Variants in HOTAIR observed in about 807,000 individuals in gnomAD.
HOTAIR encodes HOX transcript antisense RNA.
Position 53,973,109 on chromosome 12 carries a change from T to A in HOTAIR, n.59+1789A>T. 1 of 670,178 alleles carries A rather than the reference T, an allele frequency of 1.5e-6. No individual in the cohort carries two copies. The highest frequency in any genetic ancestry group is 2.5e-6 in the Non-Finnish European group (1 of 404,952). 41.5% of individuals were successfully genotyped at this position (670,178 alleles called of 1,614,324 possible). On this transcript the variant is annotated intron_variant and non_coding_transcript_variant, in intron 1 of 6. Transcript: ENST00000424518. This position sits in a 1 kb window ranked among gnomAD's most constrained non-coding sequence, Gnocchi z 4.3. ...AGTGCTCCGAACTGATATATGACAA[T>A]ATCTACTTTGGATCACGTGCTCAGA...
rs1939148052 is a variant in HOTAIR at position 53,971,515 on chromosome 12, T to C, written n.60-2759A>G. On this transcript the variant is annotated intron_variant and non_coding_transcript_variant, in intron 1 of 6. Transcript: ENST00000424518. ...CTGGTTTGGGAGCCGCAGCACCTTA[T>C]CATGTTTCATCAAGACAAATCCATT... 3.3e-5 allele frequency among the ~76,000 whole-genome samples: 5 copies of C among 152,344 alleles called. No individual in the cohort carries two copies. In the South Asian group the frequency reaches 8.3e-4, roughly 25 times the overall value.
intron 1 of HOTAIR, among the ~76,000 whole-genome samples, chr12:53,971,514 A>G (rs933609207): frequency 1.3e-5 from 2 of 152,214 alleles, no homozygotes; most frequent in African/African-American, 4.8e-5. Context: ...GCAGCACCTT[A>G]TCATGTTTCA....
In HOTAIR at chr12:53,973,722, G is replaced by A. The variant is rs1382944192; in HGVS notation, n.59+1176C>T. On this transcript the variant is annotated intron_variant and non_coding_transcript_variant, in intron 1 of 6. Coordinates refer to ENST00000424518, the Ensembl canonical transcript of HOTAIR. This position sits in a 1 kb window ranked among gnomAD's most constrained non-coding sequence, Gnocchi z 4.3. ...CCGTTTCTTCGACAACGCCTACTGC[G>A]GTGGCGGCGACCCGCCCGCCGAGCC... is the stretch of plus-strand genomic sequence containing the variant. 5 of 1,612,606 alleles carry A rather than the reference G, an allele frequency of 3.1e-6. No individual in the cohort carries two copies. The highest frequency in any genetic ancestry group is 3.4e-6 in the Non-Finnish European group (4 of 1,179,654).
chr12:53,965,336 T>TCCAAGGC (rs1939032292), intron 5 of HOTAIR, among the ~76,000 whole-genome samples: 2 of 152,154 alleles, frequency 1.3e-5, no homozygotes, highest in Non-Finnish European at 2.9e-5. Flanking sequence ...GCCACTAGGG[T>TCCAAGGC]CACAGAGACT....
At chr12:53,974,498 C>G (rs1592196555) in intron 1 of HOTAIR, among the ~76,000 whole-genome samples, 1 of 152,008 alleles carries the variant, frequency 6.6e-6, no homozygotes, top group Non-Finnish European at 1.5e-5. Context: ...CGCGGGTCCT[C>G]GAGCAGAAAC....
chr12:53,964,177 A>G (rs1240255025), intron 6 of HOTAIR: 2 of 151,522 alleles, frequency 1.3e-5, no homozygotes, highest in Non-Finnish European at 2.9e-5. Context: ...CAGAGTGAAC[A>G]CCCCCAGATA....
intron 1 of HOTAIR, among the ~76,000 whole-genome samples, chr12:53,969,892 C>G (rs1939119609): frequency 1.3e-5 from 2 of 152,242 alleles, no homozygotes; most frequent in Admixed American, 1.3e-4. Context: ...CTCTAGAACC[C>G]AGAGCAGTGG....
At chr12:53,969,640 A>G (rs548759255) in intron 1 of HOTAIR, among the ~76,000 whole-genome samples, 1 of 152,340 alleles carries the variant, frequency 6.6e-6, no homozygotes, top group South Asian at 2.1e-4. Flanking sequence ...TGTAAGGGAG[A>G]GAAATATAGG....
At chr12:53,967,688 T>C (rs1290295109) in intron 2 of HOTAIR, among the ~76,000 whole-genome samples, 3 of 152,212 alleles carry the variant, frequency 2.0e-5, no homozygotes, top group Non-Finnish European at 4.4e-5. Flanking sequence ...CCCTTTCTTA[T>C]GTCCCCTCAG....
chr12:53,969,337 A>C (rs1436253792), intron 1 of HOTAIR, among the ~76,000 whole-genome samples: 1 of 152,222 alleles, frequency 6.6e-6, no homozygotes, highest in Non-Finnish European at 1.5e-5. Context: ...ATCTCTCCAC[A>C]GAGGAAGCTG....
intron 1 of HOTAIR, among the ~76,000 whole-genome samples, chr12:53,974,151 A>T (rs934527333): frequency 6.6e-6 from 1 of 152,054 alleles, no homozygotes; most frequent in Non-Finnish European, 1.5e-5. Flanking sequence ...GGGAGGGAAA[A>T]GGGCTCTTTG....
Position 53,973,364 on chromosome 12 carries a change from G to C in HOTAIR, n.59+1534C>G, listed in dbSNP as rs1472293138. 14 of 1,611,778 alleles carry C rather than the reference G, an allele frequency of 8.7e-6. No homozygotes were observed. Among genetic ancestry groups the C allele is most frequent in the African/African-American group, 1.3e-5 (1 of 74,102 alleles). On this transcript the variant is annotated intron_variant and non_coding_transcript_variant, in intron 1 of 6. Coordinates refer to ENST00000424518, the Ensembl canonical transcript of HOTAIR. This position sits in a 1 kb window ranked among gnomAD's most constrained non-coding sequence, Gnocchi z 4.3. Reference sequence around the variant, plus strand: ...ATCTGCCCAGTTGCACTTACTACATGCCCGAGTTCTCCACGGTCTCCTCCT... The same window carrying C: ...ATCTGCCCAGTTGCACTTACTACATCCCCGAGTTCTCCACGGTCTCCTCCT...
At chr12:53,974,831 G>A in intron 1 of HOTAIR, 1 of 220,936 alleles carries the variant, frequency 4.5e-6, no homozygotes, top group Non-Finnish European at 8.8e-6. Flanking sequence ...CCACTAGGAG[G>A]GCGGCCCAGG....
chr12:53,973,433 G>A lies in HOTAIR; in HGVS notation n.59+1465C>T, dbSNP rs1349080849. 1.2e-6 allele frequency: 2 copies of A among 1,613,672 alleles called. No homozygotes were observed. The highest frequency in any genetic ancestry group is 2.7e-5 in the African/African-American group (2 of 74,760). ...CTCGTCAGATCTCCTATCCCTACTC[G>A]GCCCAAGTGCCCCCGGTCCGGGAGG... On this transcript the variant is annotated intron_variant and non_coding_transcript_variant, in intron 1 of 6. Transcript: ENST00000424518. This position sits in a 1 kb window ranked among gnomAD's most constrained non-coding sequence, Gnocchi z 4.3.
chr12:53,969,265 C>T (rs1040265768), intron 1 of HOTAIR, among the ~76,000 whole-genome samples: 4 of 152,200 alleles, frequency 2.6e-5, no homozygotes, highest in Admixed American at 6.5e-5. Flanking sequence ...CCAGTGAAAC[C>T]GGCTCGTAAA....
At chr12:53,969,240 C>T (rs1159837607) in intron 1 of HOTAIR, among the ~76,000 whole-genome samples, 1 of 152,228 alleles carries the variant, frequency 6.6e-6, no homozygotes, top group Non-Finnish European at 1.5e-5. Context: ...CATTTTGGAG[C>T]ATTTGGTGAG....
chr12:53,970,557 C>G (rs1939132881), intron 1 of HOTAIR, among the ~76,000 whole-genome samples: 1 of 150,502 alleles, frequency 6.6e-6, no homozygotes, highest in African/African-American at 2.5e-5. Context: ...CATATCAACA[C>G]TAGAGAACAT....
exon 7 of HOTAIR, chr12:53,963,643 T>A (rs1330235164): frequency 1.3e-5 from 2 of 152,256 alleles, no homozygotes; most frequent in Non-Finnish European, 2.9e-5. Context: ...TAGAGGTGCT[T>A]GGCCAGCTCT....
Position 53,973,405 on chromosome 12 carries a change from C to A in HOTAIR, n.59+1493G>T. On this transcript the variant is annotated intron_variant and non_coding_transcript_variant, in intron 1 of 6. Coordinates refer to ENST00000424518, the Ensembl canonical transcript of HOTAIR. The surrounding 1 kb of genome is among the most constrained non-coding windows in gnomAD (Gnocchi z 4.3). ...GTCTCCTCCTTCCTGCCCCAGGCCC[C>A]CTCTCGTCAGATCTCCTATCCCTAC... 1 of 1,614,228 alleles carries A rather than the reference C, an allele frequency of 6.2e-7. No individual in the cohort carries two copies. Among genetic ancestry groups the A allele is most frequent in the Middle Eastern group, 1.6e-4 (1 of 6,062 alleles).
Sources: gnomAD v4.1 joint callset for allele counts (sites outside exome capture counted in the v4.1 genomes callset) on GRCh38, gnomAD v4.1.1 for gene constraint, Gnocchi (gnomAD v3.1) non-coding constraint, MANE v1.5 for transcripts, NCBI Gene and HGNC (gene_info 2026-07-23, HGNC 2026-07-21) for gene names.